Variants in MUC12 observed in about 807,000 individuals in gnomAD.
MUC12 encodes mucin-12.
Under a neutral mutation model 230.8 loss-of-function variants are expected in MUC12, and 172 were observed. The ratio of observed to expected loss-of-function variants is 0.75; its 90% CI spans 0.66 to 0.85. MUC12 has a LOEUF of 0.85. Ranked by LOEUF, MUC12 falls within the 40% of genes least tolerant of loss-of-function variation. The probability of loss-of-function intolerance (pLI) is 0.00; values close to 1 mark genes in which losing one functional copy is unlikely to be tolerated. For missense variants in MUC12, 3,506 were observed against 5,920.6 expected, an observed-to-expected ratio of 0.59 and a Z score of 13.38; for synonymous variants, 1,259 against 2,401.9, an observed-to-expected ratio of 0.52 and a Z score of 13.91.
In MUC12 at chr7:100,992,586, G is replaced by C; in HGVS notation, c.2023G>C (p.Ala675Pro). The C allele has an allele frequency of 2.0e-6, 3 of 1,537,838 alleles. No homozygotes were observed. Among genetic ancestry groups the C allele is most frequent in the Non-Finnish European group, 2.6e-6 (3 of 1,147,006 alleles). ...CTCAATTCCAACAACCCACATTTCT[G>C]CCCGCTCCACAACCTCAGGCCTCGT... is the stretch of plus-strand genomic sequence containing the variant. ...PSSIPTTHIS[A>P]RSTTSGLVEE... Residue 675 changes from alanine to proline, a missense_variant, in exon 2 of 12, where the codon GCC (alanine) becomes CCC (proline). Coordinates refer to ENST00000536621, the MANE Select transcript of MUC12 (RefSeq NM_001164462.2).
chr7:100,977,890 C>T (rs906619075), intron 1 of MUC12, among the ~76,000 whole-genome samples: 6 of 152,090 alleles, frequency 3.9e-5, no homozygotes, highest in Middle Eastern at 3.2e-3. Flanking sequence ...CTCCTGTTGA[C>T]GCCTGGTGTT....
chr7:100,983,709 T>C (rs1354825640), intron 1 of MUC12, among the ~76,000 whole-genome samples: 2 of 152,220 alleles, frequency 1.3e-5, no homozygotes, highest in South Asian at 2.1e-4. Flanking sequence ...GAATCTGCTC[T>C]GTACCCAATA....
rs1432270957 is a variant in MUC12, at chr7:100,990,673, C to T, written c.110C>T (p.Ala37Val). 2.0e-6 allele frequency: 3 copies of T among 1,537,718 alleles called. No homozygotes were observed. The highest frequency in any genetic ancestry group is 2.6e-6 in the Non-Finnish European group (3 of 1,146,998). Residue 37 changes from alanine to valine, a missense_variant, in exon 2 of 12, where the codon GCA (alanine) becomes GTA (valine). By Grantham distance (64) the Ala-to-Val change is moderately conservative. Coordinates refer to ENST00000536621, the MANE Select transcript of MUC12 (RefSeq NM_001164462.2). Reference sequence around the variant, plus strand: ...AGTATTGGAGGTAATACAACTTCTGCATCCACACCCAGTTCAAGCGACCCT... The same window carrying T: ...AGTATTGGAGGTAATACAACTTCTGTATCCACACCCAGTTCAAGCGACCCT... Reference protein sequence around the residue: ...NTSIGGNTTSASTPSSSDPFT... With the variant: ...NTSIGGNTTSVSTPSSSDPFT...
At position 101,012,873 on chromosome 7, in the gene MUC12, C is replaced by T. The variant is rs777129131; in HGVS notation, c.15458C>T (p.Pro5153Leu). The change falls in exon 7 of 12, where the codon CCG becomes CTG. Residue 5153 changes from proline to leucine, a missense_variant. Transcript: ENST00000536621. ...EDTFVDSSVT[P>L]GFDFQEQCTQ... ...ACTTTCGTGGATTCATCGGTGACTC[C>T]GGGCTTTGACTTCCAGGGTAAGCGA... 2.0e-5 allele frequency: 30 copies of T among 1,537,126 alleles called. No individual in the cohort carries two copies. The highest frequency in any genetic ancestry group is 4.1e-5 in the African/African-American group (3 of 73,042).
chr7:101,004,648 C>T lies in MUC12; in HGVS notation c.14085C>T (p.Ile4695=), dbSNP rs1443946976. 3 of 1,537,226 alleles carry T rather than the reference C, an allele frequency of 2.0e-6. No individual in the cohort carries two copies. In the African/African-American group the frequency reaches 4.1e-5, roughly 21 times the overall value. The change falls in exon 2 of 12, where the codon ATC becomes ATT. Residue 4695 remains isoleucine (I), a synonymous_variant. Coordinates refer to ENST00000536621, the MANE Select transcript of MUC12 (RefSeq NM_001164462.2). ...ACAGCAGCCCAGATACAAATGGAAT[C>T]ACACCCTTACCTGCCCATTTTACTA... is the stretch of plus-strand genomic sequence containing the variant. ...ASHSSPDTNG[I]TPLPAHFTTS...
chr7:101,016,546 C>T (rs1294620359), intron 10 of MUC12, among the ~76,000 whole-genome samples: 1 of 152,276 alleles, frequency 6.6e-6, no homozygotes, highest in East Asian at 1.9e-4. Context: ...AACTCCAGAC[C>T]TTAGGTGATC....
At chr7:100,979,255 T>C (rs746637196) in intron 1 of MUC12, among the ~76,000 whole-genome samples, 7 of 152,186 alleles carry the variant, frequency 4.6e-5, no homozygotes, top group Non-Finnish European at 7.3e-5. Flanking sequence ...AAACTTTACC[T>C]GCTTAGCAGG....
chr7:100,995,482 G>C lies in MUC12; in HGVS notation c.4919G>C (p.Gly1640Ala), dbSNP rs1387394376. Residue 1640 changes from glycine (G) to alanine (A), a missense_variant, in exon 2 of 12, where the codon GGC becomes GCC. Coordinates refer to ENST00000536621, the MANE Select transcript of MUC12 (RefSeq NM_001164462.2). ...TCTACTACTTTCCACAGCAGCCCAG[G>C]CTCCACTGAAACAACACTCTTACCT... ...PESTTFHSSP[G>A]STETTLLPDN... 6.5e-7 allele frequency: 1 copy of C among 1,533,656 alleles called. No individual in the cohort carries two copies. Among genetic ancestry groups the C allele is most frequent in the South Asian group, 1.2e-5 (1 of 83,890 alleles).
Position 101,014,090 on chromosome 7 carries a change from C to A in MUC12, c.15800+16C>A. 6.6e-7 allele frequency: 1 copy of A among 1,520,132 alleles called. No individual in the cohort carries two copies. The highest frequency in any genetic ancestry group is 8.8e-7 in the Non-Finnish European group (1 of 1,137,146). The allele number at this position is 1,520,132 out of a possible 1,614,324, so 94.2% of individuals were successfully genotyped here. A position where few individuals can be genotyped will look rare whatever the true frequency, so the allele number is the denominator to read the frequency against. ...AACGGCACAGGTGAGCTTGTGAGGC[C>A]AGCACCGCAGGCCCACACAGAGGGG... On this transcript the variant is annotated intron_variant, in intron 9 of 11. Transcript: ENST00000536621.
intron 1 of MUC12, among the ~76,000 whole-genome samples, chr7:100,970,104 G>A (rs556448271): frequency 0.015 from 3 of 206 alleles, no homozygotes; most frequent in Middle Eastern, 0.5. Context: ...AGCCCTGGTC[G>A]GGAGAGAGGG....
rs1439467450 is a variant in MUC12, at chr7:101,012,690, G to A, written c.15404-129G>A. On this transcript the variant is annotated intron_variant, in intron 6 of 11. Coordinates refer to ENST00000536621, the MANE Select transcript of MUC12 (RefSeq NM_001164462.2). The stretch of plus-strand genomic sequence containing the variant: ...CTCACAAGCCCAGCTGCATGTCTAG[G>A]GTGGGCAAAGACTCCCACGGGCATT... The A allele has an allele frequency of 2.8e-5, 31 of 1,096,380 alleles. 1 individual carries two copies. In the East Asian group the frequency reaches 8.0e-4, roughly 28 times the overall value. The allele number at this position is 1,096,380 out of a possible 1,614,324, so 67.9% of individuals were successfully genotyped here. A position where few individuals can be genotyped will look rare whatever the true frequency, so the allele number is the denominator to read the frequency against.
At chr7:100,975,646 G>T (rs1204759983) in intron 1 of MUC12, among the ~76,000 whole-genome samples, 1 of 152,308 alleles carries the variant, frequency 6.6e-6, no homozygotes, top group East Asian at 1.9e-4. Flanking sequence ...ATCTGCTGCT[G>T]GAGCTACGAG....
chr7:100,982,574 C>T (rs1023735678), intron 1 of MUC12, among the ~76,000 whole-genome samples: 14 of 151,776 alleles, frequency 9.2e-5, no homozygotes, highest in African/African-American at 3.1e-4. Flanking sequence ...GTAGCTGAGA[C>T]TACAGGGACA....
rs1346947397 is a variant in MUC12, at chr7:100,992,431, G to C, written c.1868G>C (p.Gly623Ala). 2.6e-6 allele frequency: 4 copies of C among 1,537,836 alleles called. No individual in the cohort carries two copies. The highest frequency in any genetic ancestry group is 1.2e-5 in the South Asian group (1 of 84,070). Residue 623 changes from glycine to alanine, a missense_variant, in exon 2 of 12, where the codon GGC becomes GCC. Gly to Ala is a moderately conservative substitution (Grantham distance 60, BLOSUM62 0). Coordinates refer to ENST00000536621, the MANE Select transcript of MUC12 (RefSeq NM_001164462.2). Reference sequence around the variant, plus strand: ...CCACACACAACACTGTCCCCTGCCGGCTCTACAACCCGTCAGGGAGAATCT... The same window carrying C: ...CCACACACAACACTGTCCCCTGCCGCCTCTACAACCCGTCAGGGAGAATCT... The part of the protein sequence containing the change: ...RSPHTTLSPA[G>A]STTRQGESTT...
At chr7:101,010,448 C>T (rs1793824672) in intron 5 of MUC12, among the ~76,000 whole-genome samples, 2 of 152,070 alleles carry the variant, frequency 1.3e-5, no homozygotes, top group African/African-American at 4.8e-5. Flanking sequence ...GCAATCCTCC[C>T]ACCTCAGCCT....
Position 101,004,779 on chromosome 7 carries a change from C to A in MUC12, c.14216C>A (p.Thr4739Asn). 2 of 1,537,790 alleles carry A rather than the reference C, an allele frequency of 1.3e-6. No individual in the cohort carries two copies. Among genetic ancestry groups the A allele is most frequent in the African/African-American group, 1.4e-5 (1 of 73,144 alleles). Reference sequence around the variant, plus strand: ...ACACCAGGCCTCAGTGCAAAATCTACCATCCTTTACAGTAGCTCCAGATCA... The same window carrying A: ...ACACCAGGCCTCAGTGCAAAATCTAACATCCTTTACAGTAGCTCCAGATCA... ...ATTPGLSAKS[T>N]ILYSSSRSPD... Residue 4739 changes from threonine (T) to asparagine (N), a missense_variant, in exon 2 of 12, where the codon ACC becomes AAC. Transcript: ENST00000536621.
chr7:101,011,409 A>G lies in MUC12; in HGVS notation c.15252-887A>G, dbSNP rs138143971. On this transcript the variant is annotated intron_variant, in intron 5 of 11. Transcript: ENST00000536621. ...CTATTGAAGGAGTAGCTTCTAGGTT[A>G]GAAACTTACCTTTTTCTTTCTTTTT... Among the ~76,000 whole-genome samples the G allele has an allele frequency of 8.3e-4, 127 of 152,268 alleles. 2 individuals carry two copies. In the East Asian group the frequency reaches 0.024, roughly 28 times the overall value.
Position 101,013,984 on chromosome 7 carries a change from A to G in MUC12, c.15710A>G (p.Tyr5237Cys). The G allele has an allele frequency of 2.6e-6, 4 of 1,536,308 alleles. No individual in the cohort carries two copies. Among genetic ancestry groups the G allele is most frequent in the Non-Finnish European group, 3.5e-6 (4 of 1,146,490 alleles). ...TTCAACATCGCCAAGAGCCTCGTGT[A>G]TGGGATCGTGGGGGCTGTGATGGCG... ...CEFNIAKSLV[Y>C]GIVGAVMAVL... Residue 5237 changes from tyrosine (Y) to cysteine (C), a missense_variant, in exon 9 of 12, where the codon TAT (tyrosine) becomes TGT (cysteine). Tyr to Cys is a radical substitution (Grantham distance 194). Coordinates refer to ENST00000536621, the MANE Select transcript of MUC12 (RefSeq NM_001164462.2).
At position 101,005,016 on chromosome 7, in the gene MUC12, T is replaced by C; in HGVS notation, c.14453T>C (p.Phe4818Ser). Residue 4818 changes from phenylalanine (F) to serine (S), a missense_variant, in exon 2 of 12, where the codon TTT becomes TCT. Coordinates refer to ENST00000536621, the MANE Select transcript of MUC12 (RefSeq NM_001164462.2). ...LSPGSITTSS[F>S]AQEFTTPHSQ... ...CCTGGCAGCATCACAACTTCATCTT[T>C]TGCTCAAGAATTTACCACCCCTCAT... 6.5e-7 allele frequency: 1 copy of C among 1,537,646 alleles called. No homozygotes were observed. Among genetic ancestry groups the C allele is most frequent in the East Asian group, 2.4e-5 (1 of 40,920 alleles).
Sources: gnomAD v4.1 joint callset for allele counts (sites outside exome capture counted in the v4.1 genomes callset) on GRCh38, gnomAD v4.1.1 for gene constraint, MANE v1.5 for transcripts, NCBI Gene and HGNC (gene_info 2026-07-23, HGNC 2026-07-21) for gene names.